Variants in EFCAB13 observed in about 807,000 individuals in gnomAD.
EFCAB13 encodes the protein EF-hand calcium binding domain 13, also known as EF-hand calcium-binding domain-containing protein 13.
In EFCAB13, 91 loss-of-function variants were observed where a neutral mutation model predicts 110.2. The observed-to-expected ratio is 0.83, with a 90% CI of 0.70 to 0.98. The LOEUF (loss-of-function observed/expected upper bound fraction) is 0.98. Among genes scored for constraint, EFCAB13 ranks in the 50% least tolerant of loss-of-function variants. The pLI is 0.00. For synonymous variants in EFCAB13, 323 were observed against 369.9 expected (o/e 0.87, Z 1.45); for missense variants, 968 against 1,119.4 (o/e 0.86, Z 1.93).
At chr17:47,393,846 T>C in intron 15 of EFCAB13, among the ~76,000 whole-genome samples, 179 bp from the exon 16 acceptor site, 1 of 151,802 alleles carries the variant, frequency 6.6e-6, no homozygotes, top group East Asian at 1.9e-4. Context: ...TTTCAGCGTT[T>C]ACTTCTCTAC....
Position 47,366,121 on chromosome 17 carries a change from G to A in EFCAB13, c.806-4316G>A, listed in dbSNP as rs961266641. Among the ~76,000 whole-genome samples, 97 of 152,090 alleles carry A rather than the reference G, an allele frequency of 6.4e-4. 1 individual carries two copies. Among genetic ancestry groups the A allele is most frequent in the African/African-American group, 2.2e-3 (93 of 41,396 alleles). Reference sequence around the variant, plus strand: ...ATTTGGTATATTGTTGGAGATGATAGGTAGATAATATGTTCATCTTTATAG... The same window carrying A: ...ATTTGGTATATTGTTGGAGATGATAAGTAGATAATATGTTCATCTTTATAG... On this transcript the variant is annotated intron_variant, in intron 10 of 24. Coordinates refer to ENST00000331493, the MANE Select transcript of EFCAB13 (RefSeq NM_152347.5).
chr17:47,402,101 G>A (rs759203099), intron 17 of EFCAB13, 31 bp from the exon 18 acceptor site: 77 of 1,591,284 alleles, frequency 4.8e-5, no homozygotes, highest in Middle Eastern at 3.3e-4. Context: ...GCGTAATGAG[G>A]TTGGTCTATT....
At chr17:47,399,807 A>G (rs2065769394) in intron 17 of EFCAB13, among the ~76,000 whole-genome samples, 1 of 152,226 alleles carries the variant, frequency 6.6e-6, no homozygotes, top group Non-Finnish European at 1.5e-5. Context: ...TGAAAAATAG[A>G]AAAGGTAATT....
At chr17:47,421,539 C>G (rs1598762888) in intron 23 of EFCAB13, among the ~76,000 whole-genome samples, 1 of 150,860 alleles carries the variant, frequency 6.6e-6, no homozygotes, top group African/African-American at 2.4e-5. Flanking sequence ...CCTTTGTTCA[C>G]TTGTTTATCT....
intron 14 of EFCAB13, among the ~76,000 whole-genome samples, chr17:47,382,434 C>T (rs965702299): frequency 3.9e-5 from 6 of 152,136 alleles, no homozygotes; most frequent in South Asian, 4.1e-4. Flanking sequence ...TGTCTTGTGC[C>T]GGTTGTCAAA....
intron 22 of EFCAB13, among the ~76,000 whole-genome samples, chr17:47,413,245 AT>A (rs56780891): frequency 0.63 from 95,443 of 151,182 alleles, 30,425 homozygotes; most frequent in African/African-American, 0.7. Flanking sequence ...ATCTGCTTTC[AT>A]TTTTTTTTTA....
intron 23 of EFCAB13, among the ~76,000 whole-genome samples, chr17:47,424,186 C>T (rs1904843298): frequency 6.6e-6 from 1 of 152,214 alleles, no homozygotes; most frequent in Non-Finnish European, 1.5e-5. Context: ...GGAGCCGGCG[C>T]CAGCGTGGAC....
chr17:47,379,331 G>T, intron 14 of EFCAB13, 78 bp downstream of exon 14: 1 of 1,177,428 alleles, frequency 8.5e-7, no homozygotes, highest in South Asian at 1.2e-5. Flanking sequence ...ACAGAACTGG[G>T]CTTGCTTTTG....
rs956017974 is a variant in EFCAB13, at chr17:47,335,461, T to C, written c.191+105T>C. 2.1e-5 allele frequency: 18 copies of C among 874,872 alleles called. No individual in the cohort carries two copies. The African/African-American group carries it at 3.1e-4, about 15-fold the overall frequency. The allele number at this position is 874,872 out of a possible 1,614,324, so 54.2% of individuals were successfully genotyped here. A position where few individuals can be genotyped will look rare whatever the true frequency, so the allele number is the denominator to read the frequency against. ...GCGTTCTCATAATGTACCATGTGTA[T>C]AGGATCATGCATATTTGTGGTCATT... On this transcript the variant is annotated intron_variant, in intron 5 of 24. Transcript: ENST00000331493.
chr17:47,418,955 G>A (rs1266040930), intron 23 of EFCAB13, among the ~76,000 whole-genome samples: 1 of 152,062 alleles, frequency 6.6e-6, no homozygotes, highest in Non-Finnish European at 1.5e-5. Context: ...CTATAGCTTT[G>A]TTTAAAGTAA....
intron 9 of EFCAB13, among the ~76,000 whole-genome samples, chr17:47,356,859 G>T (rs1377762278): frequency 1.3e-5 from 2 of 152,180 alleles, no homozygotes; most frequent in African/African-American, 4.8e-5. Context: ...GGTGGGGCAG[G>T]TTAGGCATGT....
At chr17:47,349,806 C>T (rs1356097703) in intron 9 of EFCAB13, among the ~76,000 whole-genome samples, 12 of 127,744 alleles carry the variant, frequency 9.4e-5, no homozygotes, top group Non-Finnish European at 1.4e-4. Flanking sequence ...CTCGCTCTGT[C>T]GCCCAGGCTG....
At chr17:47,340,766 ATTTTTTT>A (rs58304526) in intron 5 of EFCAB13, among the ~76,000 whole-genome samples, 1 of 54,014 alleles carries the variant, frequency 1.9e-5, no homozygotes, top group Non-Finnish European at 3.3e-5. Flanking sequence ...CACCTGGCTA[ATTTTTTT>A]TTTTTTTTTT....
intron 22 of EFCAB13, among the ~76,000 whole-genome samples, chr17:47,414,050 CAT>C (rs1904336087): frequency 6.6e-6 from 1 of 152,156 alleles, no homozygotes; most frequent in Non-Finnish European, 1.5e-5. Context: ...TTATTTCCTT[CAT>C]ATGACTCAGT....
intron 20 of EFCAB13, among the ~76,000 whole-genome samples, chr17:47,404,914 C>A (rs980806902): frequency 6.6e-6 from 1 of 151,942 alleles, no homozygotes; most frequent in African/African-American, 2.4e-5. Context: ...ATGAATAGTT[C>A]TTTTTAATGC....
chr17:47,379,116 A>G, intron 13 of EFCAB13, 66 bp from the exon 14 acceptor site: 1 of 1,199,676 alleles, frequency 8.3e-7, no homozygotes, highest in Non-Finnish European at 1.2e-6. Context: ...AGTTGTGTTA[A>G]AATGTAAATT....
chr17:47,389,410 T>A (rs1437561041), intron 14 of EFCAB13, among the ~76,000 whole-genome samples: 5 of 152,060 alleles, frequency 3.3e-5, no homozygotes, highest in African/African-American at 1.2e-4. Flanking sequence ...CATGACAAAC[T>A]AAACAAGATT....
intron 14 of EFCAB13, among the ~76,000 whole-genome samples, chr17:47,381,201 G>A (rs955007275): frequency 1.3e-5 from 2 of 150,778 alleles, no homozygotes; most frequent in African/African-American, 4.9e-5. Flanking sequence ...CTTTTTGATG[G>A]GTTTTTTTTT....
intron 9 of EFCAB13, among the ~76,000 whole-genome samples, chr17:47,355,733 C>A (rs2065477131): frequency 6.6e-6 from 1 of 151,906 alleles, no homozygotes; most frequent in South Asian, 2.1e-4. Context: ...CCACCAAACC[C>A]AGCTAATTTT....
Sources: allele counts gnomAD v4.1 joint callset (sites outside exome capture counted in the v4.1 genomes callset), GRCh38; gene constraint gnomAD v4.1.1; transcripts MANE v1.5; gene names NCBI Gene and HGNC (gene_info 2026-07-23, HGNC 2026-07-21).